Variants in ZNF648 observed in about 807,000 individuals in gnomAD.
The protein encoded by ZNF648 is zinc finger protein 648.
A neutral mutation model predicts 0.3 loss-of-function variants in ZNF648; 1 was observed. The ratio of observed to expected loss-of-function variants is 3.90; its 90% confidence interval spans 1.39 to 18.51. The LOEUF (loss-of-function observed/expected upper bound fraction) is 18.51, where lower values mean the gene tolerates loss of function less well. Among genes scored for constraint, ZNF648 ranks in the 30% most tolerant of loss-of-function variants. The pLI is 0.11. For synonymous variants in ZNF648, 376 were observed against 326.8 expected (o/e 1.15, Z -1.62); for missense variants, 874 against 769.7 (o/e 1.14, Z -1.60).
chr1:182,061,547 C>T (rs1396512621), intron 1 of ZNF648, 21 bp downstream of exon 1: 1 of 152,530 alleles, frequency 6.6e-6, no homozygotes, highest in African/African-American at 2.4e-5. Flanking sequence ...ACTCCTGGCT[C>T]ACACACAGAC....
chr1:182,056,961 CAGGTCCGAAG>C lies in ZNF648; in HGVS notation c.1040_1049del (p.Ser347CysfsTer22), dbSNP rs768649671. ...TGTGCATGTTGCGCTGGTGTTTGCG[CAGGTCCGAAG>C]AGCGCACGAAGGCCTTCCCGCAGTC... On this transcript the variant is annotated frameshift_variant, in exon 2 of 2. Coordinates refer to ENST00000339948, the MANE Select transcript of ZNF648 (RefSeq NM_001009992.1). LOFTEE classifies it low-confidence loss of function (END_TRUNC). 5.0e-6 allele frequency: 8 copies of C among 1,613,472 alleles called. No homozygotes were observed. Among genetic ancestry groups the C allele is most frequent in the Non-Finnish European group, 6.8e-6 (8 of 1,179,872 alleles).
At chr1:182,059,531 T>C (rs879479869) in intron 1 of ZNF648, among the ~76,000 whole-genome samples, 10 of 152,186 alleles carry the variant, frequency 6.6e-5, no homozygotes, top group Non-Finnish European at 1.5e-4. Context: ...CTCTCATTTT[T>C]CTGGGCACAC....
chr1:182,063,246 AT>A (rs1342423608), upstream of ZNF648: 3 of 152,176 alleles, frequency 2.0e-5, no homozygotes. Flanking sequence ...ATCAAATGGT[AT>A]TTCTGGTTCT....
chr1:182,067,003 G>T, the ZNF648 span, among the ~76,000 whole-genome samples: 1 of 152,048 alleles, frequency 6.6e-6, no homozygotes, highest in African/African-American at 2.4e-5. Flanking sequence ...GGCCAATAAC[G>T]TTCCTAGAGC....
chr1:182,056,559 G>C lies in ZNF648; in HGVS notation c.1452C>G (p.Ala484=), dbSNP rs548764868. The stretch of plus-strand genomic sequence containing the variant: ...GCTTCAGGGTCGAAGAGCGGGCAAA[G>C]GCCTGGCCACACTGCGTGCAAGGAA... ...RPFPCTQCGQ[A]FARSSTLKRH... is the part of the protein sequence containing the mutation. Residue 484 remains alanine (A), a synonymous_variant, in exon 2 of 2, where the codon GCC becomes GCG. Coordinates refer to ENST00000339948, the MANE Select transcript of ZNF648 (RefSeq NM_001009992.1). 1.2e-6 allele frequency: 2 copies of C among 1,614,122 alleles called. No individual in the cohort carries two copies. Among genetic ancestry groups the C allele is most frequent in the South Asian group, 1.1e-5 (1 of 91,050 alleles).
rs1486551259 is a variant in ZNF648, at chr1:182,057,753, A to T, written c.258T>A (p.Ser86Arg). The T allele has an allele frequency of 8.1e-6, 13 of 1,614,182 alleles. No individual in the cohort carries two copies. Among genetic ancestry groups the T allele is most frequent in the Non-Finnish European group, 1.0e-5 (12 of 1,180,026 alleles). The part of the protein sequence containing the change: ...KEEEKFSDSS[S>R]AGGMGQKPVE... ...CTGGTTTCTGCCCCATGCCCCCAGC[A>T]CTGGAGGAGTCAGAGAATTTCTCTT... Residue 86 changes from serine to arginine, a missense_variant, in exon 2 of 2, where the codon AGT becomes AGA. By Grantham distance (110) the Ser-to-Arg change is moderately radical. Coordinates refer to ENST00000339948, the MANE Select transcript of ZNF648 (RefSeq NM_001009992.1).
upstream of ZNF648, among the ~76,000 whole-genome samples, chr1:182,065,995 G>A (rs1426207521): frequency 6.6e-6 from 1 of 152,170 alleles, no homozygotes; most frequent in Non-Finnish European, 1.5e-5. Flanking sequence ...TTTCCCTAAG[G>A]CCACATCCTT....
rs74994343 is a variant in ZNF648, at chr1:182,054,851, A to C, written c.*1453T>G. 1.9e-3 allele frequency: 280 copies of C among 148,382 alleles called. 2 individuals are homozygous for C. Among genetic ancestry groups the C allele is most frequent in the African/African-American group, 7.0e-3 (265 of 37,934 alleles). 9.2% of individuals were successfully genotyped at this position (148,382 alleles called of 1,614,324 possible). A position where few individuals can be genotyped will look rare whatever the true frequency, so the allele number is the denominator to read the frequency against. The stretch of plus-strand genomic sequence containing the variant: ...CCTTGGTCAAACAAGACACAAGACT[A>C]TCTAGCTATCTAGCTATCTAGCTAT... On this transcript the variant is annotated 3_prime_UTR_variant, in exon 2 of 2. Transcript: ENST00000339948.
chr1:182,057,253 A>T lies in ZNF648; in HGVS notation c.758T>A (p.Leu253Gln), dbSNP rs769965965. 1 of 1,578,396 alleles carries T rather than the reference A, an allele frequency of 6.3e-7. No individual in the cohort carries two copies. Among genetic ancestry groups the T allele is most frequent in the Admixed American group, 1.8e-5 (1 of 56,306 alleles). ...CTTCTGAAAGGCCCGCCCGCCCCGC[A>T]GGCACCTGTAGGGACGCGCCTCAGC... ...GEAEARPYRC[L>Q]RGGRAFQKPS... is the part of the protein sequence containing the mutation. Residue 253 changes from leucine (L) to glutamine (Q), a missense_variant, in exon 2 of 2, where the codon CTG becomes CAG. Coordinates refer to ENST00000339948, the MANE Select transcript of ZNF648 (RefSeq NM_001009992.1).
chr1:182,061,166 A>G (rs1666026872), intron 1 of ZNF648, among the ~76,000 whole-genome samples: 2 of 152,186 alleles, frequency 1.3e-5, no homozygotes, highest in African/African-American at 4.8e-5. Flanking sequence ...ACCTGGAGGC[A>G]GGCAGGGGCA....
chr1:182,057,330 C>T lies in ZNF648; in HGVS notation c.681G>A (p.Ala227=). 1.2e-6 allele frequency: 2 copies of T among 1,608,570 alleles called. No homozygotes were observed. Among genetic ancestry groups the T allele is most frequent in the Non-Finnish European group, 1.7e-6 (2 of 1,179,636 alleles). Residue 227 remains alanine (A), a synonymous_variant, in exon 2 of 2, where the codon GCG becomes GCA. Coordinates refer to ENST00000339948, the MANE Select transcript of ZNF648 (RefSeq NM_001009992.1). The stretch of plus-strand genomic sequence containing the variant: ...GGTTCTGTACTTTCCTGCTGTTCCG[C>T]GCTTTTGCCAGGACCGCGGCAGCCA... ...ASLAAAVLAK[A]RNSRKVQNQA...
chr1:182,060,848 A>T (rs1303366306), intron 1 of ZNF648, among the ~76,000 whole-genome samples: 1 of 152,136 alleles, frequency 6.6e-6, no homozygotes, highest in Non-Finnish European at 1.5e-5. Context: ...TCTTTACGAC[A>T]ACATACTGCC....
At position 182,058,083 on chromosome 1, in the gene ZNF648, G is replaced by GA; in HGVS notation, c.-63-11dup. The GA allele has an allele frequency of 6.7e-7, 1 of 1,500,628 alleles. No homozygotes were observed. 93.0% of individuals were successfully genotyped at this position (1,500,628 alleles called of 1,614,324 possible). A position where few individuals can be genotyped will look rare whatever the true frequency, so the allele number is the denominator to read the frequency against. The stretch of plus-strand genomic sequence containing the variant: ...GCTTGGCTCAGGATACCTGCAAAAA[G>GA]AAAAGTACGAAGAGAAAATCACAAA... On this transcript the variant is annotated splice_polypyrimidine_tract_variant and intron_variant, in intron 1 of 1. Transcript: ENST00000339948.
At chr1:182,059,785 CAG>C (rs1333765751) in intron 1 of ZNF648, among the ~76,000 whole-genome samples, 1 of 125,276 alleles carries the variant, frequency 8.0e-6, no homozygotes, top group African/African-American at 3.1e-5. Flanking sequence ...GCCTGGGTGA[CAG>C]AGCGAGACTA....
intron 1 of ZNF648, among the ~76,000 whole-genome samples, chr1:182,059,758 C>T (rs181212198): frequency 2.0e-5 from 3 of 149,458 alleles, no homozygotes; most frequent in Admixed American, 1.3e-4. Flanking sequence ...GAGCTGAGAT[C>T]GCGCCACTGC....
chr1:182,059,734 G>A (rs996219689), intron 1 of ZNF648, among the ~76,000 whole-genome samples: 9 of 151,608 alleles, frequency 5.9e-5, no homozygotes, highest in African/African-American at 2.2e-4. Context: ...GGGCATGGTG[G>A]CGGAGCTTGC....
chr1:182,056,242 C>CAAT lies in ZNF648; in HGVS notation c.*59_*61dup. 3 of 1,539,710 alleles carry CAAT rather than the reference C, an allele frequency of 1.9e-6. No homozygotes were observed. The highest frequency in any genetic ancestry group is 2.6e-6 in the Non-Finnish European group (3 of 1,143,422). On this transcript the variant is annotated 3_prime_UTR_variant, in exon 2 of 2. Coordinates refer to ENST00000339948, the MANE Select transcript of ZNF648 (RefSeq NM_001009992.1). ...AGGCGAGGCTGACCAGTGAGGCTGGCAATACCATGTGAGTGGGCCCACCTG... is the reference window on the plus strand; with the variant it reads ...AGGCGAGGCTGACCAGTGAGGCTGGCAATAATACCATGTGAGTGGGCCCACCTG...
upstream of ZNF648, among the ~76,000 whole-genome samples, chr1:182,066,588 G>T (rs1666104137): frequency 6.6e-6 from 1 of 152,188 alleles, no homozygotes; most frequent in Non-Finnish European, 1.5e-5. Context: ...AGCAGAATTG[G>T]ACAGGAACTC....
At chr1:182,063,147 T>C (rs1396784957), upstream of ZNF648, 1 of 152,246 alleles carries the variant, frequency 6.6e-6, no homozygotes, top group African/African-American at 2.4e-5. Flanking sequence ...CTATTGTGAA[T>C]AGTGCGGCAT....
Sources: gnomAD v4.1 joint callset for allele counts (sites outside exome capture counted in the v4.1 genomes callset) on GRCh38, gnomAD v4.1.1 for gene constraint, MANE v1.5 for transcripts, NCBI Gene and HGNC (gene_info 2026-07-23, HGNC 2026-07-21) for gene names.